RBFOX1: variants seen among roughly 807,000 people sequenced by gnomAD.
RBFOX1 encodes RNA binding fox-1 homolog 1.
A neutral mutation model predicts 57.7 loss-of-function variants in RBFOX1; 8 were observed. The ratio of observed to expected loss-of-function variants is 0.14; its 90% confidence interval spans 0.08 to 0.25. RBFOX1 has a LOEUF of 0.25. RBFOX1 is among the 10% of genes least tolerant of loss of function. The pLI is 1.00. For missense variants in RBFOX1, 611 were observed against 548.5 expected (o/e 1.11, Z -1.14); for synonymous variants, 326 against 222.4 (o/e 1.47, Z -4.15).
chr16:7,413,229 C>G (rs749195337), intron 4 of RBFOX1, among the ~76,000 whole-genome samples: 1 of 152,066 alleles, frequency 6.6e-6, no homozygotes, highest in Non-Finnish European at 1.5e-5. Flanking sequence ...ACATCACTAC[C>G]CAGAAGCATT....
intron 4 of RBFOX1, among the ~76,000 whole-genome samples, chr16:7,251,124 C>T (rs1191680481): frequency 6.6e-6 from 1 of 152,132 alleles, no homozygotes; most frequent in Non-Finnish European, 1.5e-5. Flanking sequence ...TCCTATCTAA[C>T]TGAAATTTTG....
chr16:7,418,461 C>A (rs566403101), intron 4 of RBFOX1, among the ~76,000 whole-genome samples: 3 of 152,196 alleles, frequency 2.0e-5, no homozygotes, highest in Admixed American at 1.3e-4. Context: ...GTGAGCCAGG[C>A]ATCTGAGATG....
intron 1 of RBFOX1, among the ~76,000 whole-genome samples, chr16:6,089,595 G>A (rs911742565): frequency 6.6e-6 from 1 of 152,196 alleles, no homozygotes; most frequent in Admixed American, 6.5e-5. Flanking sequence ...TCTTTTGAAT[G>A]CAAATATTGC....
At chr16:6,532,907 C>A (rs1380594386) in intron 2 of RBFOX1, among the ~76,000 whole-genome samples, 2 of 152,226 alleles carry the variant, frequency 1.3e-5, no homozygotes, top group Admixed American at 6.5e-5. Context: ...GTCACCAACA[C>A]CACTGGTCAC....
At chr16:7,278,837 C>G (rs537159812) in intron 4 of RBFOX1, among the ~76,000 whole-genome samples, 7 of 152,286 alleles carry the variant, frequency 4.6e-5, no homozygotes, top group African/African-American at 1.2e-4. Context: ...AATTATGGAG[C>G]TGGGCCAAGG....
chr16:5,676,248 G>C (rs993179077), intron 3 of RBFOX1, among the ~76,000 whole-genome samples: 1 of 143,726 alleles, frequency 7.0e-6, no homozygotes, highest in Admixed American at 7.1e-5. Context: ...AACTTAAAGT[G>C]AAATAAAAAA....
chr16:6,094,272 C>A (rs548354981), intron 1 of RBFOX1, among the ~76,000 whole-genome samples: 1 of 152,244 alleles, frequency 6.6e-6, no homozygotes, highest in East Asian at 1.9e-4. Flanking sequence ...CCTGAGCCAC[C>A]GTTCCAAAGG....
chr16:6,929,323 G>GT (rs1297197252), intron 3 of RBFOX1, among the ~76,000 whole-genome samples: 3 of 152,238 alleles, frequency 2.0e-5, no homozygotes, highest in South Asian at 2.1e-4. Context: ...GGTTTACCTT[G>GT]TTTTTTCATT....
chr16:6,945,356 C>G (rs951075144), intron 3 of RBFOX1, among the ~76,000 whole-genome samples: 3 of 152,122 alleles, frequency 2.0e-5, no homozygotes, highest in Non-Finnish European at 4.4e-5. Flanking sequence ...TGTTATCAGT[C>G]AAACATGGCC....
intron 14 of RBFOX1, among the ~76,000 whole-genome samples, chr16:7,680,112 T>C (rs2074357930): frequency 6.6e-6 from 1 of 152,182 alleles, no homozygotes; most frequent in African/African-American, 2.4e-5. Flanking sequence ...GTTGCTGATG[T>C]GTCTGTGATA....
intron 5 of RBFOX1, among the ~76,000 whole-genome samples, chr16:7,560,145 C>A (rs1004936612): frequency 1.3e-5 from 2 of 152,192 alleles, no homozygotes; most frequent in Admixed American, 1.3e-4. Flanking sequence ...AAGACCAGTG[C>A]GATTCATGTA....
intron 3 of RBFOX1, chr16:6,774,051 T>C (rs938762883): frequency 5.3e-6 from 5 of 951,322 alleles, no homozygotes; most frequent in East Asian, 1.2e-4. Context: ...TAAATGCTCA[T>C]TGGCTTTCTG....
chr16:6,154,699 G>A (rs750758211), intron 1 of RBFOX1, among the ~76,000 whole-genome samples: 14 of 152,150 alleles, frequency 9.2e-5, no homozygotes, highest in Non-Finnish European at 1.6e-4. Context: ...ATGGGATGCG[G>A]GTTTGAGCAA....
chr16:5,296,032 A>G (rs1247694859), intron 1 of RBFOX1, among the ~76,000 whole-genome samples: 1 of 151,994 alleles, frequency 6.6e-6, no homozygotes, highest in Non-Finnish European at 1.5e-5. Context: ...GATACTGGTC[A>G]TCGGTCTCCT....
At chr16:6,747,322 G>T (rs1425416602) in intron 3 of RBFOX1, among the ~76,000 whole-genome samples, 1 of 152,038 alleles carries the variant, frequency 6.6e-6, no homozygotes, top group Non-Finnish European at 1.5e-5. Context: ...CAGGACAATT[G>T]CTTGAACCTA....
At position 6,819,268 on chromosome 16, in the gene RBFOX1, G is replaced by A. The variant is rs141435362; in HGVS notation, c.-16+164618G>A. On this transcript the variant is annotated intron_variant, in intron 3 of 15. Coordinates refer to ENST00000550418, the MANE Select transcript of RBFOX1 (RefSeq NM_018723.4). The stretch of plus-strand genomic sequence containing the variant: ...GCATCATTTAACTTTGTGTCTCCCA[G>A]TGGAAATGGCATAGTCCCTTGTACA... Among the ~76,000 whole-genome samples, 227 of 152,312 alleles carry A rather than the reference G, an allele frequency of 1.5e-3. 1 individual carries two copies. The highest frequency in any genetic ancestry group is 5.3e-3 in the African/African-American group (220 of 41,560).
intron 4 of RBFOX1, among the ~76,000 whole-genome samples, chr16:5,949,408 C>T (rs1314074824): frequency 1.3e-5 from 2 of 151,454 alleles, no homozygotes; most frequent in East Asian, 3.9e-4. Flanking sequence ...CGCCTGTAGT[C>T]CCAGCTACTC....
chr16:5,717,486 C>A (rs1409563202), intron 3 of RBFOX1, among the ~76,000 whole-genome samples: 1 of 152,128 alleles, frequency 6.6e-6, no homozygotes, highest in East Asian at 1.9e-4. Context: ...AATATGTAGT[C>A]TTTTATCTCT....
intron 3 of RBFOX1, among the ~76,000 whole-genome samples, chr16:6,698,062 G>A (rs1029293851): frequency 1.3e-5 from 2 of 152,164 alleles, no homozygotes; most frequent in African/African-American, 4.8e-5. Context: ...ACTGCACACT[G>A]TCTGTGAATT....
Sources: gnomAD v4.1 joint callset for allele counts (sites outside exome capture counted in the v4.1 genomes callset) on GRCh38, gnomAD v4.1.1 for gene constraint, MANE v1.5 for transcripts, NCBI Gene and HGNC (gene_info 2026-07-23, HGNC 2026-07-21) for gene names.